CSMD1: variants seen among roughly 807,000 people sequenced by gnomAD.
CSMD1 encodes the protein CUB and Sushi multiple domains 1, also known as CUB and sushi domain-containing protein 1.
In CSMD1, 213 loss-of-function variants were observed where a neutral mutation model predicts 417.5. The observed-to-expected ratio is 0.51, with a 90% CI of 0.46 to 0.57. CSMD1 has a LOEUF of 0.57. Among genes scored for constraint, CSMD1 ranks in the 20% least tolerant of loss-of-function variants. CSMD1 has a pLI of 0.00. For missense variants in CSMD1, 6,923 were observed against 4,529.7 expected (o/e 1.53, Z -15.17); for synonymous variants, 2,862 against 1,736.8 (o/e 1.65, Z -16.11).
chr8:3,764,503 C>A (rs1239280938), intron 5 of CSMD1, among the ~76,000 whole-genome samples: 1 of 152,116 alleles, frequency 6.6e-6, no homozygotes, highest in Non-Finnish European at 1.5e-5. Flanking sequence ...CAGAGTAGCC[C>A]TGGGTGACGG....
chr8:3,085,663 G>A (rs566652566), intron 49 of CSMD1, among the ~76,000 whole-genome samples: 26 of 152,186 alleles, frequency 1.7e-4, no homozygotes, highest in Admixed American at 7.9e-4. Flanking sequence ...TTCTGCTGGG[G>A]TGTGGGGAGG....
At chr8:3,677,318 A>C (rs1157371176) in intron 7 of CSMD1, among the ~76,000 whole-genome samples, 1 of 152,220 alleles carries the variant, frequency 6.6e-6, no homozygotes, top group Non-Finnish European at 1.5e-5. Context: ...AAAATGACTT[A>C]ATAACCATCT....
intron 10 of CSMD1, among the ~76,000 whole-genome samples, chr8:3,502,320 G>A (rs950026790): frequency 1.4e-5 from 2 of 141,914 alleles, no homozygotes; most frequent in Admixed American, 1.5e-4. Context: ...AGCTGAGATC[G>A]CGCCACTGCA....
At chr8:4,444,024 AAC>A (rs914465765) in intron 2 of CSMD1, among the ~76,000 whole-genome samples, 2 of 152,144 alleles carry the variant, frequency 1.3e-5, no homozygotes, top group African/African-American at 2.4e-5. Flanking sequence ...AAGGAAGGAA[AAC>A]ACACACTATC....
intron 1 of CSMD1, among the ~76,000 whole-genome samples, chr8:4,686,261 G>A (rs975443467): frequency 2.0e-5 from 3 of 152,196 alleles, no homozygotes; most frequent in Admixed American, 2.0e-4. Flanking sequence ...GCACGAGAGT[G>A]AAGGAATGCT....
intron 10 of CSMD1, among the ~76,000 whole-genome samples, chr8:3,570,384 A>G (rs1455637659): frequency 2.0e-5 from 3 of 152,208 alleles, no homozygotes; most frequent in African/African-American, 7.2e-5. Context: ...CAATTGGACC[A>G]CAGGCATTTG....
In CSMD1 at chr8:3,406,009, G is replaced by T; in HGVS notation, c.2266+18C>A. 1 of 1,609,634 alleles carries T rather than the reference G, an allele frequency of 6.2e-7. No homozygotes were observed. The highest frequency in any genetic ancestry group is 8.5e-7 in the Non-Finnish European group (1 of 1,177,528). ...TGTGATTTCAAAGGAGAAGAGCGGGGGGTGGCAGGGACTGCACCTTCACAG... is the reference window on the plus strand; with the variant it reads ...TGTGATTTCAAAGGAGAAGAGCGGGTGGTGGCAGGGACTGCACCTTCACAG... On this transcript the variant is annotated intron_variant, in intron 15 of 69. Transcript: ENST00000635120.
At chr8:4,170,797 G>C (rs1170514590) in intron 3 of CSMD1, among the ~76,000 whole-genome samples, 1 of 151,664 alleles carries the variant, frequency 6.6e-6, no homozygotes, top group East Asian at 1.9e-4. Flanking sequence ...TCTGTTTGGG[G>C]ATTACCTATG....
chr8:3,333,429 A>G (rs1807035654), intron 23 of CSMD1, among the ~76,000 whole-genome samples: 1 of 152,218 alleles, frequency 6.6e-6, no homozygotes, highest in Admixed American at 6.5e-5. Flanking sequence ...GGAAAAACAA[A>G]CACTGCTTAT....
chr8:3,233,629 T>G (rs906348605), intron 26 of CSMD1, among the ~76,000 whole-genome samples: 1 of 152,206 alleles, frequency 6.6e-6, no homozygotes, highest in African/African-American at 2.4e-5. Flanking sequence ...TCATATAGTA[T>G]TTGGTTTCCT....
At chr8:4,295,641 A>G (rs1202072717) in intron 3 of CSMD1, among the ~76,000 whole-genome samples, 1 of 145,156 alleles carries the variant, frequency 6.9e-6, no homozygotes, top group African/African-American at 2.5e-5. Context: ...ATATATTCAT[A>G]ATATATAAAA....
chr8:4,510,754 T>C (rs1420198548), intron 2 of CSMD1, among the ~76,000 whole-genome samples: 1 of 130,654 alleles, frequency 7.7e-6, no homozygotes, highest in Non-Finnish European at 1.6e-5. Flanking sequence ...CCCTCTTCCC[T>C]CCTTCCCTCC....
intron 3 of CSMD1, among the ~76,000 whole-genome samples, chr8:4,395,660 CTG>C (rs1418809248): frequency 2.1e-5 from 3 of 144,284 alleles, no homozygotes; most frequent in African/African-American, 8.8e-5. Flanking sequence ...TGATAAGACT[CTG>C]TTCCAAAAGC....
At chr8:4,124,176 G>C (rs1046894397) in intron 3 of CSMD1, among the ~76,000 whole-genome samples, 9 of 152,132 alleles carry the variant, frequency 5.9e-5, no homozygotes, top group Non-Finnish European at 1.0e-4. Flanking sequence ...CGCAGGGGAG[G>C]AAGTGGGGGT....
chr8:4,131,572 T>A (rs1016403494), intron 3 of CSMD1, among the ~76,000 whole-genome samples: 1 of 152,178 alleles, frequency 6.6e-6, no homozygotes, highest in Non-Finnish European at 1.5e-5. Context: ...TTCTCATATA[T>A]TGATAAACTG....
chr8:3,850,006 T>TGCTGGCCAC (rs1563143293), intron 5 of CSMD1, among the ~76,000 whole-genome samples: 1 of 151,624 alleles, frequency 6.6e-6, no homozygotes, highest in African/African-American at 2.4e-5. Context: ...AGTTTCACGA[T>TGCTGGCCAC]GTTGGTCTCA....
chr8:4,465,803 C>G (rs1585123255), intron 2 of CSMD1, among the ~76,000 whole-genome samples: 1 of 152,160 alleles, frequency 6.6e-6, no homozygotes, highest in East Asian at 1.9e-4. Context: ...GGGTACTTTA[C>G]TGCCAACCCA....
At chr8:3,060,334 C>A (rs1318383714) in intron 49 of CSMD1, among the ~76,000 whole-genome samples, 1 of 151,864 alleles carries the variant, frequency 6.6e-6, no homozygotes, top group African/African-American at 2.4e-5. Flanking sequence ...TTAGTACAGA[C>A]AGGGTTTCAC....
At chr8:3,422,650 C>T (rs1436999420) in intron 12 of CSMD1, among the ~76,000 whole-genome samples, 1 of 152,168 alleles carries the variant, frequency 6.6e-6, no homozygotes, top group Non-Finnish European at 1.5e-5. Flanking sequence ...TTAAATATTT[C>T]AAATCTATTT....
Sources: gnomAD v4.1 joint callset for allele counts (sites outside exome capture counted in the v4.1 genomes callset) on GRCh38, gnomAD v4.1.1 for gene constraint, MANE v1.5 for transcripts, NCBI Gene and HGNC (gene_info 2026-07-23, HGNC 2026-07-21) for gene names.